Variants in POC1B observed in about 807,000 individuals in gnomAD.
The protein encoded by POC1B is POC1 centriolar protein homolog B.
Under a neutral mutation model 60.6 loss-of-function variants are expected in POC1B, and 44 were observed. That is an observed-to-expected ratio of 0.73 (90% CI 0.57 to 0.93). The LOEUF (loss-of-function observed/expected upper bound fraction) is 0.93, where lower values mean the gene tolerates loss of function less well. Ranked by LOEUF, POC1B falls within the 40% of genes least tolerant of loss-of-function variation. The probability of loss-of-function intolerance (pLI) is 0.00; values close to 1 mark genes in which losing one functional copy is unlikely to be tolerated. For synonymous variants in POC1B, 180 were observed against 198.9 expected, an observed-to-expected ratio of 0.90 and a Z score of 0.80; for missense variants, 555 against 572.3, an observed-to-expected ratio of 0.97 and a Z score of 0.31.
chr12:89,503,369 G>C (rs1381661885), intron 2 of POC1B, among the ~76,000 whole-genome samples: 1 of 152,212 alleles, frequency 6.6e-6, no homozygotes, highest in Non-Finnish European at 1.5e-5. Context: ...TGCCAGCCTC[G>C]GCCTCCCGAG....
At chr12:89,480,147 T>TG (rs1883267425) in intron 4 of POC1B, among the ~76,000 whole-genome samples, 1 of 151,976 alleles carries the variant, frequency 6.6e-6, no homozygotes, top group Non-Finnish European at 1.5e-5. Context: ...CTTTCGTTTT[T>TG]TTTTTTTGAG....
At chr12:89,502,416 TG>T in intron 2 of POC1B, 1 of 1,445,254 alleles carries the variant, frequency 6.9e-7, no homozygotes, top group South Asian at 1.2e-5. Flanking sequence ...TCGTGATTAG[TG>T]GAATACTATC....
chr12:89,403,503 C>A, the POC1B span, among the ~76,000 whole-genome samples: 1 of 152,072 alleles, frequency 6.6e-6, no homozygotes, highest in African/African-American at 2.4e-5. Flanking sequence ...TAAATATCTG[C>A]CTCAGAGAAG....
intron 2 of POC1B, chr12:89,522,125 C>T (rs1336758706): frequency 5.0e-6 from 2 of 398,874 alleles, no homozygotes; most frequent in Non-Finnish European, 8.8e-6. Flanking sequence ...ATATATACAT[C>T]AGTGAAGTCC....
At chr12:89,472,397 C>T (rs1882934788) in intron 4 of POC1B, 122 bp from the exon 5 acceptor site, 1 of 648,000 alleles carries the variant, frequency 1.5e-6, no homozygotes, top group African/African-American at 1.9e-5. Flanking sequence ...GTTACCATCC[C>T]ATGCAGTAAA....
chr12:89,421,299 G>T, intron 11 of POC1B, 42 bp from the exon 12 acceptor site: 1 of 1,467,394 alleles, frequency 6.8e-7, no homozygotes, highest in Non-Finnish European at 9.4e-7. Flanking sequence ...TGGTCCTCTG[G>T]TGGTGAGGAT....
Position 89,459,647 on chromosome 12 carries a change from A to C in POC1B, c.1104T>G (p.Asp368Glu). ...TPPVMDILSF[D>E]STTTTETSGR... is the part of the protein sequence containing the mutation. ...AAAAAACCCGACTTACTGTGGTAGA[A>C]TCAAAAGAAAGGATATCCATAACAG... Residue 368 changes from aspartate (D) to glutamate (E), a missense_variant, in exon 10 of 12, where the codon GAT (aspartate) becomes GAG (glutamate). Transcript: ENST00000313546. 1 of 1,492,180 alleles carries C rather than the reference A, an allele frequency of 6.7e-7. No homozygotes were observed. Among genetic ancestry groups the C allele is most frequent in the Non-Finnish European group, 9.0e-7 (1 of 1,112,420 alleles). The allele number at this position is 1,492,180 out of a possible 1,614,324, so 92.4% of individuals were successfully genotyped here. A position where few individuals can be genotyped will look rare whatever the true frequency, so the allele number is the denominator to read the frequency against.
At chr12:89,493,325 T>A (rs1318092752) in intron 3 of POC1B, among the ~76,000 whole-genome samples, 2 of 152,230 alleles carry the variant, frequency 1.3e-5, no homozygotes, top group Non-Finnish European at 2.9e-5. Flanking sequence ...TGATGATTTA[T>A]TCATCTCTAT....
downstream of POC1B, among the ~76,000 whole-genome samples, chr12:89,419,254 A>C (rs762045581): frequency 3.3e-5 from 5 of 152,066 alleles, no homozygotes; most frequent in Non-Finnish European, 5.9e-5. Flanking sequence ...AGGCAGCTGG[A>C]TATTCAAGTT....
intron 2 of POC1B, chr12:89,523,556 C>G: frequency 6.3e-7 from 1 of 1,598,500 alleles, no homozygotes; most frequent in Non-Finnish European, 8.5e-7. Context: ...CCCCACACTT[C>G]CATTCCTGTG....
At chr12:89,412,854 T>TTCCTTCTTC in the POC1B span, among the ~76,000 whole-genome samples, 1 of 130,010 alleles carries the variant, frequency 7.7e-6, no homozygotes, top group African/African-American at 3.2e-5. Flanking sequence ...TTCCTTTCCT[T>TTCCTTCTTC]CCTCCCTCCC....
At chr12:89,408,704 G>C in the POC1B span, among the ~76,000 whole-genome samples, 1 of 152,036 alleles carries the variant, frequency 6.6e-6, no homozygotes, top group African/African-American at 2.4e-5. Flanking sequence ...ATCCAGGATG[G>C]TCTCGATCTC....
chr12:89,487,788 T>C (rs1868718726), intron 4 of POC1B, among the ~76,000 whole-genome samples: 1 of 152,150 alleles, frequency 6.6e-6, no homozygotes, highest in Admixed American at 6.5e-5. Flanking sequence ...TGCCACTGCC[T>C]CCTCTTCCCC....
intron 11 of POC1B, among the ~76,000 whole-genome samples, chr12:89,422,050 TA>T (rs986144015): frequency 4.2e-5 from 6 of 143,264 alleles, no homozygotes; most frequent in Admixed American, 7.1e-5. Context: ...CTTTTTTTTT[TA>T]AAAAAACTTA....
In POC1B at chr12:89,523,505, C is replaced by A. The variant is rs749694837; in HGVS notation, c.100+1615G>T. The A allele has an allele frequency of 8.1e-6, 13 of 1,611,050 alleles. 1 individual carries two copies. In the South Asian group the frequency reaches 1.2e-4, roughly 15 times the overall value. On this transcript the variant is annotated intron_variant, in intron 2 of 11. Transcript: ENST00000313546. ...CACGGGTGGATCTCCAATTTGCCACCACACTGCCACACCCTAAAAGACAGC... is the reference window on the plus strand; with the variant it reads ...CACGGGTGGATCTCCAATTTGCCACAACACTGCCACACCCTAAAAGACAGC...
chr12:89,497,503 A>G (rs2135743514), intron 2 of POC1B, among the ~76,000 whole-genome samples, 161 bp from the exon 3 acceptor site: 1 of 152,338 alleles, frequency 6.6e-6, no homozygotes, highest in East Asian at 1.9e-4. Context: ...TTTTAAAGGT[A>G]CTCAAAACTA....
chr12:89,502,566 G>A (rs1869629263), intron 2 of POC1B: 1 of 1,173,122 alleles, frequency 8.5e-7, no homozygotes, highest in Non-Finnish European at 1.3e-6. Context: ...ATACCTCTTG[G>A]AGATCCTTTG....
intron 3 of POC1B, among the ~76,000 whole-genome samples, chr12:89,494,248 G>A (rs967910010): frequency 2.6e-5 from 4 of 151,786 alleles, no homozygotes; most frequent in South Asian, 2.1e-4. Flanking sequence ...ACAGGGTCTC[G>A]CTATGTTGCC....
chr12:89,468,678 T>C (rs998721360), intron 7 of POC1B, among the ~76,000 whole-genome samples: 3 of 36,342 alleles, frequency 8.3e-5, no homozygotes, highest in Non-Finnish European at 1.6e-4. Context: ...TTATTTGTTA[T>C]GTTTATTCAG....
Sources: gnomAD v4.1 joint callset for allele counts (sites outside exome capture counted in the v4.1 genomes callset) on GRCh38, gnomAD v4.1.1 for gene constraint, MANE v1.5 for transcripts, NCBI Gene and HGNC (gene_info 2026-07-23, HGNC 2026-07-21) for gene names.